Variants in DMD observed in about 807,000 individuals in gnomAD.
DMD encodes the protein dystrophin.
Under a neutral mutation model 330.1 loss-of-function variants are expected in DMD, and 63 were observed. The observed-to-expected ratio is 0.19, with a 90% CI of 0.16 to 0.24. The LOEUF is 0.24. DMD is among the 10% of genes least tolerant of loss of function. The pLI, the probability that DMD is intolerant of heterozygous loss-of-function variation, is 1.00. For missense variants in DMD, 3,344 were observed against 2,684.1 expected, an observed-to-expected ratio of 1.25 and a Z score of -5.43; for synonymous variants, 1,223 against 959.8, an observed-to-expected ratio of 1.27 and a Z score of -5.07.
intron 7 of DMD, among the ~76,000 whole-genome samples, chrX:32,770,651 C>G (rs1004015766): frequency 1.8e-5 from 2 of 111,656 alleles, no homozygotes; most frequent in African/African-American, 6.5e-5. Flanking sequence ...AATACAGATT[C>G]TATTAGTAAT....
At chrX:32,260,773 G>A (rs1188147193) in intron 43 of DMD, among the ~76,000 whole-genome samples, 1 of 111,914 alleles carries the variant, frequency 8.9e-6, no homozygotes, top group African/African-American at 3.2e-5. Context: ...GTTAAATGGA[G>A]ATGGCTTCTG....
intron 1 of DMD, among the ~76,000 whole-genome samples, chrX:33,153,980 C>G (rs2048388263): frequency 8.9e-6 from 1 of 112,430 alleles, no homozygotes; most frequent in African/African-American, 3.2e-5. Flanking sequence ...AAAGCTATAT[C>G]CAAGAATCTT....
At chrX:32,504,373 C>G (rs1168177342) in intron 18 of DMD, among the ~76,000 whole-genome samples, 1 of 111,328 alleles carries the variant, frequency 9.0e-6, no homozygotes, top group Admixed American at 9.5e-5. Flanking sequence ...CCTGTAATCC[C>G]AGCACTTTGG....
intron 47 of DMD, among the ~76,000 whole-genome samples, chrX:31,919,193 C>G (rs1259986577): frequency 8.9e-6 from 1 of 111,742 alleles, no homozygotes; most frequent in Non-Finnish European, 1.9e-5. Context: ...AAAGCAACCT[C>G]TAGGAGATAA....
chrX:31,366,534 A>G (rs1602198999), intron 60 of DMD, among the ~76,000 whole-genome samples: 1 of 94,141 alleles, frequency 1.1e-5, no homozygotes. Context: ...AAGATAAAAG[A>G]AAAAAAAGAA....
chrX:32,306,577 T>C (rs1179576646), intron 42 of DMD, among the ~76,000 whole-genome samples: 1 of 111,714 alleles, frequency 9.0e-6, no homozygotes, highest in East Asian at 2.8e-4. Flanking sequence ...TGTACTATAA[T>C]TGGTTTTGAT....
intron 60 of DMD, among the ~76,000 whole-genome samples, chrX:31,427,748 T>A (rs1022572087): frequency 1.8e-5 from 2 of 111,321 alleles, no homozygotes; most frequent in African/African-American, 6.5e-5. Flanking sequence ...ATTGGTGGGA[T>A]GGGCAATGTA....
chrX:31,507,931 C>G (rs1045493160), intron 55 of DMD, among the ~76,000 whole-genome samples: 5 of 111,799 alleles, frequency 4.5e-5, no homozygotes, highest in South Asian at 7.5e-4. Flanking sequence ...AACAAGATTG[C>G]ACTTGGCCCA....
chrX:32,773,355 C>A (rs1274764933), intron 7 of DMD, among the ~76,000 whole-genome samples: 1 of 110,838 alleles, frequency 9.0e-6, no homozygotes, highest in Non-Finnish European at 1.9e-5. Context: ...AATGATAAAT[C>A]AGGGAAATTA....
At chrX:33,333,031 T>C (rs2054202045) in intron 1 of DMD, among the ~76,000 whole-genome samples, 1 of 110,834 alleles carries the variant, frequency 9.0e-6, no homozygotes, top group Non-Finnish European at 1.9e-5. Flanking sequence ...GAAAGTCCTT[T>C]AAAAGATCAA....
intron 1 of DMD, among the ~76,000 whole-genome samples, chrX:33,064,832 T>A (rs2148110555): frequency 9.0e-6 from 1 of 111,156 alleles, no homozygotes; most frequent in Non-Finnish European, 1.9e-5. Context: ...GAGGTTGCAG[T>A]GAGCCAAGAT....
chrX:31,997,385 C>A (rs1298032064), intron 44 of DMD, among the ~76,000 whole-genome samples: 1 of 108,743 alleles, frequency 9.2e-6, no homozygotes, highest in East Asian at 2.9e-4. Context: ...AAAATCAAAT[C>A]AGAATTTCTG....
intron 44 of DMD, among the ~76,000 whole-genome samples, chrX:32,182,684 A>G (rs2096931476): frequency 8.9e-6 from 1 of 112,228 alleles, no homozygotes; most frequent in South Asian, 3.6e-4. Flanking sequence ...ATATCTTCCA[A>G]TAAATGAATG....
At position 33,094,920 on chromosome X, in the gene DMD, T is replaced by G. The variant is rs764324120; in HGVS notation, c.32-74720A>C. 8.1e-5 allele frequency among the ~76,000 whole-genome samples: 9 copies of G among 111,687 alleles called. No individual in the cohort carries two copies. The South Asian group carries it at 3.3e-3, about 41-fold the overall frequency. On this transcript the variant is annotated intron_variant, in intron 1 of 78. Transcript: ENST00000357033. ...TAGGTTAAAGGGGTAGCCAAGATTT[T>G]TAAATTCTAAACATATTTGAAAGGA... is the stretch of plus-strand genomic sequence containing the variant.
intron 71 of DMD, among the ~76,000 whole-genome samples, chrX:31,176,991 T>C (rs369272479): frequency 9.0e-6 from 1 of 111,313 alleles, no homozygotes; most frequent in South Asian, 3.8e-4. Context: ...TAAAAAGAAA[T>C]TGAATTCTTA....
chrX:31,949,411 A>C (rs867153807), intron 45 of DMD, among the ~76,000 whole-genome samples: 1 of 111,685 alleles, frequency 9.0e-6, no homozygotes, highest in African/African-American at 3.2e-5. Flanking sequence ...TTATGCTACA[A>C]AGAATGAAAT....
intron 37 of DMD, among the ~76,000 whole-genome samples, chrX:32,350,670 T>C (rs1262893842): frequency 9.0e-6 from 1 of 111,183 alleles, no homozygotes; most frequent in Non-Finnish European, 1.9e-5. Flanking sequence ...CTGTGCCCAA[T>C]GATCAGCTTA....
chrX:31,864,925 GGGAAATTCAC>G (rs1185205407), intron 48 of DMD, among the ~76,000 whole-genome samples: 2 of 111,960 alleles, frequency 1.8e-5, no homozygotes, highest in Non-Finnish European at 3.8e-5. Context: ...CAGAGTCCCA[GGGAAATTCAC>G]TCAATTTTTC....
At chrX:31,178,041 T>C in intron 70 of DMD, 71 bp from the exon 71 acceptor site, 2 of 1,111,447 alleles carry the variant, frequency 1.8e-6, no homozygotes, top group Non-Finnish European at 2.5e-6. Context: ...TACTGAAAGG[T>C]CAAAATAAAT....
Sources: gnomAD v4.1 joint callset for allele counts (sites outside exome capture counted in the v4.1 genomes callset) on GRCh38, gnomAD v4.1.1 for gene constraint, MANE v1.5 for transcripts, NCBI Gene and HGNC (gene_info 2026-07-23, HGNC 2026-07-21) for gene names.